Variants in LSAMP observed in about 807,000 individuals in gnomAD.
LSAMP encodes limbic system associated membrane protein, also known as limbic system-associated membrane protein.
LSAMP carries 7 observed loss-of-function variants against 38.6 expected under a neutral mutation model. That is an observed-to-expected ratio of 0.18 (90% CI 0.10 to 0.34). The LOEUF (loss-of-function observed/expected upper bound fraction) is 0.34, where lower values mean the gene tolerates loss of function less well. LSAMP is among the 10% of genes least tolerant of loss of function. LSAMP has a pLI of 1.00. For missense variants in LSAMP, 313 were observed against 420.0 expected, an observed-to-expected ratio of 0.75 and a Z score of 2.23; for synonymous variants, 154 against 166.8, an observed-to-expected ratio of 0.92 and a Z score of 0.59.
At chr3:115,861,560 C>T (rs1935703370) in intron 3 of LSAMP, among the ~76,000 whole-genome samples, 1 of 152,134 alleles carries the variant, frequency 6.6e-6, no homozygotes, top group African/African-American at 2.4e-5. Flanking sequence ...CACAGACCCT[C>T]ACCTGCCCTG....
chr3:115,907,618 C>T (rs763083519), intron 3 of LSAMP, among the ~76,000 whole-genome samples: 138 of 152,262 alleles, frequency 9.1e-4, no homozygotes, highest in Non-Finnish European at 1.4e-3. Context: ...GCTACTTCCC[C>T]AGTCAGACCC....
intron 1 of LSAMP, among the ~76,000 whole-genome samples, chr3:116,189,092 TA>T (rs1183078516): frequency 6.6e-6 from 1 of 152,078 alleles, no homozygotes; most frequent in African/African-American, 2.4e-5. Context: ...AAACAGATAA[TA>T]AACAAGTAAA....
chr3:116,053,082 T>A (rs529472758), intron 2 of LSAMP, among the ~76,000 whole-genome samples: 1 of 152,342 alleles, frequency 6.6e-6, no homozygotes, highest in Non-Finnish European at 1.5e-5. Flanking sequence ...GTAGAAATTC[T>A]TATTTCACAC....
At position 116,444,789 on chromosome 3, in the gene LSAMP, C is replaced by G. The variant is rs1576230994; in HGVS notation, c.155+88G>C. 1.0e-4 allele frequency: 14 copies of G among 137,502 alleles called. No individual in the cohort carries two copies. In the South Asian group the frequency reaches 1.5e-3, roughly 15 times the overall value. 8.5% of individuals were successfully genotyped at this position (137,502 alleles called of 1,614,324 possible). A position where few individuals can be genotyped will look rare whatever the true frequency, so the allele number is the denominator to read the frequency against. On this transcript the variant is annotated intron_variant, in intron 1 of 6. Coordinates refer to ENST00000490035, the MANE Select transcript of LSAMP (RefSeq NM_002338.5). ...GGAGCTGGAGTTCAAGGAGATCAGACACACACACACACACACACACAAACA... is the reference window on the plus strand; with the variant it reads ...GGAGCTGGAGTTCAAGGAGATCAGAGACACACACACACACACACACAAACA...
At chr3:116,330,622 A>C (rs1315458218) in intron 1 of LSAMP, among the ~76,000 whole-genome samples, 1 of 152,004 alleles carries the variant, frequency 6.6e-6, no homozygotes, top group Non-Finnish European at 1.5e-5. Flanking sequence ...TAGCACATTC[A>C]AAAATAATTG....
At chr3:116,366,444 G>T (rs932731942) in intron 1 of LSAMP, among the ~76,000 whole-genome samples, 2 of 152,006 alleles carry the variant, frequency 1.3e-5, no homozygotes, top group African/African-American at 4.8e-5. Context: ...TCCAAGCATA[G>T]GTATAGTCTT....
intron 2 of LSAMP, among the ~76,000 whole-genome samples, chr3:116,046,462 G>C (rs1941290978): frequency 6.6e-6 from 1 of 152,214 alleles, no homozygotes; most frequent in Admixed American, 6.5e-5. Flanking sequence ...CAGAACTCTG[G>C]TCTAATTGAT....
At chr3:115,965,657 A>G (rs1184292294) in intron 3 of LSAMP, among the ~76,000 whole-genome samples, 1 of 148,444 alleles carries the variant, frequency 6.7e-6, no homozygotes, top group Non-Finnish European at 1.5e-5. Flanking sequence ...TATTTTCTAT[A>G]TGAATACAAA....
chr3:116,340,429 A>C (rs1191968390), intron 1 of LSAMP, among the ~76,000 whole-genome samples: 1 of 151,890 alleles, frequency 6.6e-6, no homozygotes, highest in East Asian at 1.9e-4. Context: ...AATTGAGGAA[A>C]ATCAATGGAA....
intron 1 of LSAMP, among the ~76,000 whole-genome samples, chr3:116,306,951 A>G (rs998006693): frequency 6.6e-6 from 1 of 151,918 alleles, no homozygotes; most frequent in Non-Finnish European, 1.5e-5. Context: ...TTGAACTACA[A>G]CTCATTGTCA....
chr3:116,417,928 C>T (rs969534952), intron 1 of LSAMP, among the ~76,000 whole-genome samples: 13 of 152,168 alleles, frequency 8.5e-5, no homozygotes, highest in African/African-American at 2.9e-4. Flanking sequence ...CCCTTTTACA[C>T]TGCAGAGAAA....
chr3:116,152,133 C>T (rs1709627137), intron 1 of LSAMP, among the ~76,000 whole-genome samples: 1 of 151,974 alleles, frequency 6.6e-6, no homozygotes, highest in African/African-American at 2.4e-5. Flanking sequence ...TTGAGGCATA[C>T]ATTATTATTT....
intron 1 of LSAMP, among the ~76,000 whole-genome samples, chr3:116,429,389 G>C (rs1295822907): frequency 1.3e-5 from 2 of 152,152 alleles, no homozygotes; most frequent in African/African-American, 4.8e-5. Flanking sequence ...ATAATTGACA[G>C]ATGACTGCCA....
At chr3:115,890,270 A>C (rs1936562066) in intron 3 of LSAMP, among the ~76,000 whole-genome samples, 1 of 151,950 alleles carries the variant, frequency 6.6e-6, no homozygotes, top group Admixed American at 6.6e-5. Flanking sequence ...TGTACAAAGA[A>C]TATCGGAGCA....
intron 3 of LSAMP, 100 bp from the exon 4 acceptor site, chr3:115,852,717 C>A: frequency 8.5e-7 from 1 of 1,177,604 alleles, no homozygotes; most frequent in South Asian, 1.9e-5. Context: ...CATTTCTTTT[C>A]AATGATTTGA....
intron 1 of LSAMP, among the ~76,000 whole-genome samples, chr3:116,315,407 G>T (rs1293695539): frequency 6.6e-6 from 1 of 152,110 alleles, no homozygotes; most frequent in Admixed American, 6.5e-5. Context: ...TTAAATGGTG[G>T]GGAGGGAAAT....
chr3:116,186,672 C>T (rs1322183867), intron 1 of LSAMP, among the ~76,000 whole-genome samples: 2 of 152,110 alleles, frequency 1.3e-5, no homozygotes, highest in Non-Finnish European at 2.9e-5. Flanking sequence ...TATAAGACTG[C>T]AATCCATTTC....
chr3:115,985,803 A>G (rs1939494100), intron 3 of LSAMP, among the ~76,000 whole-genome samples: 3 of 152,174 alleles, frequency 2.0e-5, no homozygotes, highest in Admixed American at 2.0e-4. Flanking sequence ...GTAGACTCTC[A>G]GTGCCAGTCA....
chr3:116,203,543 TCCCCCCA>T (rs1166991310), intron 1 of LSAMP, among the ~76,000 whole-genome samples: 1 of 96,938 alleles, frequency 1.0e-5, no homozygotes, highest in Non-Finnish European at 2.0e-5. Flanking sequence ...ATGCTATCCC[TCCCCCCA>T]CCCCCCACCC....
Sources: allele counts gnomAD v4.1 joint callset (sites outside exome capture counted in the v4.1 genomes callset), GRCh38; gene constraint gnomAD v4.1.1; transcripts MANE v1.5; gene names NCBI Gene and HGNC (gene_info 2026-07-23, HGNC 2026-07-21).